The following NUBPL variants were observed in gnomAD, a reference collection of about 807,000 sequenced individuals.
The protein encoded by NUBPL is iron-sulfur cluster transfer protein NUBPL.
In NUBPL, 31 loss-of-function variants were observed where a neutral mutation model predicts 45.7. The observed-to-expected ratio is 0.68, with a 90% CI of 0.51 to 0.92. The LOEUF (loss-of-function observed/expected upper bound fraction) is 0.92. NUBPL is among the 40% of genes least tolerant of loss of function. The probability of loss-of-function intolerance (pLI) is 0.00; values close to 1 mark genes in which losing one functional copy is unlikely to be tolerated. For synonymous variants in NUBPL, 144 were observed against 140.9 expected (o/e 1.02, Z -0.15); for missense variants, 401 against 398.7 (o/e 1.01, Z -0.05).
chr14:31,847,068 T>G (rs1041701475), intron 9 of NUBPL, among the ~76,000 whole-genome samples: 1 of 152,260 alleles, frequency 6.6e-6, no homozygotes, highest in African/African-American at 2.4e-5. Context: ...TTGGCTTTTT[T>G]GAATAGGTTT....
chr14:31,623,988 A>C (rs117852889), intron 4 of NUBPL, among the ~76,000 whole-genome samples: 2 of 152,114 alleles, frequency 1.3e-5, no homozygotes, highest in Non-Finnish European at 1.5e-5. Flanking sequence ...AGGGAGTGAC[A>C]CTCAGTTTTG....
At chr14:31,780,063 AT>A (rs368438625) in intron 6 of NUBPL, among the ~76,000 whole-genome samples, 8,631 of 143,890 alleles carry the variant, frequency 0.06, 304 homozygotes, top group African/African-American at 0.095. Context: ...GAGAGAGCAC[AT>A]TTTTTTTTTT....
At chr14:31,712,392 T>C (rs8007061) in intron 6 of NUBPL, among the ~76,000 whole-genome samples, 152,064 of 152,364 alleles carry the variant, frequency 1, 75,883 homozygotes, top group Middle Eastern at 1. Context: ...GTTCGTCCCC[T>C]GATCAAGCCC....
At chr14:31,651,333 G>C (rs369616966) in intron 4 of NUBPL, among the ~76,000 whole-genome samples, 2 of 152,072 alleles carry the variant, frequency 1.3e-5, no homozygotes, top group East Asian at 3.9e-4. Flanking sequence ...CAAGGTGCTG[G>C]CATTACAGGA....
intron 6 of NUBPL, among the ~76,000 whole-genome samples, chr14:31,773,100 A>C (rs949281027): frequency 6.6e-6 from 1 of 152,158 alleles, no homozygotes; most frequent in Non-Finnish European, 1.5e-5. Flanking sequence ...AACTAAAGTA[A>C]AAATCTTTTT....
rs983507206 is a variant in NUBPL, at chr14:31,608,370, A to G, written c.382+8991A>G. On this transcript the variant is annotated intron_variant, in intron 4 of 10. Transcript: ENST00000281081. ...GGAGTTCGAGGCCAGCCTGGCCAGC[A>G]TGGTGAAACCCTGTCTCTACTAAAC... Among the ~76,000 whole-genome samples, 5 of 152,254 alleles carry G rather than the reference A, an allele frequency of 3.3e-5. No individual in the cohort carries two copies. In the South Asian group the frequency reaches 8.3e-4, roughly 25 times the overall value.
At chr14:31,598,434 C>T (rs752564421) in intron 3 of NUBPL, among the ~76,000 whole-genome samples, 2 of 151,872 alleles carry the variant, frequency 1.3e-5, no homozygotes, top group African/African-American at 2.4e-5. Flanking sequence ...TAAGACATAT[C>T]GTGTTAGGGT....
intron 6 of NUBPL, among the ~76,000 whole-genome samples, chr14:31,692,826 C>G (rs1325523753): frequency 6.6e-6 from 1 of 152,156 alleles, no homozygotes; most frequent in Non-Finnish European, 1.5e-5. Flanking sequence ...CCCTAAGTAC[C>G]TCTCATGGGA....
intron 6 of NUBPL, among the ~76,000 whole-genome samples, chr14:31,777,359 C>T (rs997354134): frequency 1.3e-5 from 2 of 152,132 alleles, no homozygotes; most frequent in Non-Finnish European, 2.9e-5. Context: ...GCCAATTGAA[C>T]GACTAGAGTC....
chr14:31,745,913 C>T (rs534944546), intron 6 of NUBPL, among the ~76,000 whole-genome samples: 10 of 152,024 alleles, frequency 6.6e-5, no homozygotes, highest in South Asian at 6.2e-4. Flanking sequence ...AGGTGTCTCA[C>T]GACCCAGCCT....
At position 31,806,052 on chromosome 14, in the gene NUBPL, T is replaced by C. The variant is rs1297019295; in HGVS notation, c.607+18179T>C. Among the ~76,000 whole-genome samples, 12 of 152,162 alleles carry C rather than the reference T, an allele frequency of 7.9e-5. 1 individual carries two copies. Among genetic ancestry groups the C allele is most frequent in the African/African-American group, 9.7e-5 (4 of 41,444 alleles). On this transcript the variant is annotated intron_variant, in intron 7 of 10. Transcript: ENST00000281081. ...AAACCACTTTTAAATTCATTAAACA[T>C]TTATATGTAGAAAAAAATACAAATC...
At chr14:31,587,323 C>A (rs2034020403) in intron 3 of NUBPL, among the ~76,000 whole-genome samples, 1 of 152,108 alleles carries the variant, frequency 6.6e-6, no homozygotes, top group Non-Finnish European at 1.5e-5. Flanking sequence ...TTTGATCTGT[C>A]AGAGCTCAGG....
intron 4 of NUBPL, among the ~76,000 whole-genome samples, chr14:31,600,886 G>C (rs886492060): frequency 6.6e-6 from 1 of 151,386 alleles, no homozygotes; most frequent in African/African-American, 2.4e-5. Context: ...TATGGTTTTA[G>C]GTCTAATGTT....
chr14:31,574,650 GC>G (rs1205135983), intron 3 of NUBPL, among the ~76,000 whole-genome samples: 1 of 142,816 alleles, frequency 7.0e-6, no homozygotes, highest in Non-Finnish European at 1.5e-5. Context: ...GAGTGCAGTG[GC>G]CTGGTCTTGG....
intron 6 of NUBPL, among the ~76,000 whole-genome samples, chr14:31,687,230 T>C (rs1230922755): frequency 1.3e-5 from 2 of 152,174 alleles, no homozygotes; most frequent in Non-Finnish European, 2.9e-5. Context: ...GTTAACCACA[T>C]TGGAAAATTT....
chr14:31,640,526 A>G (rs1227365472), intron 4 of NUBPL, among the ~76,000 whole-genome samples: 1 of 151,610 alleles, frequency 6.6e-6, no homozygotes, highest in Non-Finnish European at 1.5e-5. Flanking sequence ...GAGGCAGGAG[A>G]ATAACTTGAA....
At chr14:31,647,647 C>T (rs2139724679) in intron 4 of NUBPL, among the ~76,000 whole-genome samples, 1 of 152,302 alleles carries the variant, frequency 6.6e-6, no homozygotes, top group East Asian at 1.9e-4. Flanking sequence ...ATCAGAGTTT[C>T]CAGGGCTAGG....
rs145838127 is a variant in NUBPL at position 31,698,401 on chromosome 14, G to A, written c.513+24827G>A. ...TGAAAGACTATTTTAAACTGATGGC[G>A]GCAGTTTTGGTAACTTGTTTTAGTA... On this transcript the variant is annotated intron_variant, in intron 6 of 10. Coordinates refer to ENST00000281081, the MANE Select transcript of NUBPL (RefSeq NM_025152.3). 4.0e-4 allele frequency among the ~76,000 whole-genome samples: 61 copies of A among 151,074 alleles called. 1 individual carries two copies. Among genetic ancestry groups the A allele is most frequent in the African/African-American group, 1.3e-3 (52 of 41,124 alleles).
chr14:31,637,415 A>C (rs892492798), intron 4 of NUBPL, among the ~76,000 whole-genome samples: 27 of 152,240 alleles, frequency 1.8e-4, no homozygotes, highest in Non-Finnish European at 3.1e-4. Flanking sequence ...GAGATTCTTA[A>C]TCCTGAGTTC....
Sources: allele counts gnomAD v4.1 joint callset (sites outside exome capture counted in the v4.1 genomes callset), GRCh38; gene constraint gnomAD v4.1.1; transcripts MANE v1.5; gene names NCBI Gene and HGNC (gene_info 2026-07-23, HGNC 2026-07-21).